The following RNF149 variants were observed in gnomAD, a reference collection of about 807,000 sequenced individuals.
RNF149 encodes E3 ubiquitin-protein ligase RNF149.
A neutral mutation model predicts 39.0 loss-of-function variants in RNF149; 21 were observed. The observed-to-expected ratio is 0.54, with a 90% CI of 0.38 to 0.77. The LOEUF is 0.77. Among genes scored for constraint, RNF149 ranks in the 30% least tolerant of loss-of-function variants. The pLI, the probability that RNF149 is intolerant of heterozygous loss-of-function variation, is 0.00. For synonymous variants in RNF149, 209 were observed against 213.6 expected (o/e 0.98, Z 0.19); for missense variants, 493 against 534.9 (o/e 0.92, Z 0.77).
rs771349076 is a variant in RNF149 at position 101,277,290 on chromosome 2, G to A, written c.1160-9C>T. ...GTCACTCCTGCCGGCTTCTGCAAGAGAGCAACATAAGCTACTCCATCAGAA... is the reference window on the plus strand; with the variant it reads ...GTCACTCCTGCCGGCTTCTGCAAGAAAGCAACATAAGCTACTCCATCAGAA... On this transcript the variant is annotated splice_polypyrimidine_tract_variant and intron_variant, in intron 6 of 6. Coordinates refer to ENST00000295317, the MANE Select transcript of RNF149 (RefSeq NM_173647.4). 3 of 1,612,086 alleles carry A rather than the reference G, an allele frequency of 1.9e-6. No individual in the cohort carries two copies. Among genetic ancestry groups the A allele is most frequent in the South Asian group, 1.1e-5 (1 of 90,698 alleles).
intron 1 of RNF149, among the ~76,000 whole-genome samples, chr2:101,304,601 C>A (rs573684367): frequency 1.3e-5 from 2 of 152,168 alleles, no homozygotes; most frequent in East Asian, 3.9e-4. Context: ...AATACTTAAC[C>A]CAAAGTGGCT....
Position 101,297,532 on chromosome 2 carries a change from A to ATT in RNF149, c.461-2353_461-2352dup, listed in dbSNP as rs996259233. ...CCACTACACCTGGCTAATTTTTTTC[A>ATT]TTTTTTTTTAGAGATGGGGTCTCAC... On this transcript the variant is annotated intron_variant, in intron 1 of 6. Coordinates refer to ENST00000295317, the MANE Select transcript of RNF149 (RefSeq NM_173647.4). Among the ~76,000 whole-genome samples the ATT allele has an allele frequency of 2.4e-4, 30 of 125,362 alleles. No homozygotes were observed. In the East Asian group the frequency reaches 5.0e-3, roughly 21 times the overall value. 82.2% of individuals were successfully genotyped at this position (125,362 alleles called of 152,430 possible).
At chr2:101,299,785 A>G (rs1683381697) in intron 1 of RNF149, among the ~76,000 whole-genome samples, 1 of 152,218 alleles carries the variant, frequency 6.6e-6, no homozygotes, top group South Asian at 2.1e-4. Flanking sequence ...GAAGCAGGCA[A>G]AGGCCACACT....
rs757198750 is a variant in RNF149, at chr2:101,308,500, G to A, written c.89C>T (p.Ala30Val). 20 of 1,610,266 alleles carry A rather than the reference G, an allele frequency of 1.2e-5. No homozygotes were observed. The East Asian group carries it at 4.2e-4, about 34-fold the overall frequency. ...LLALALCVPG[A>V]RGRALEWFSA... is the part of the protein sequence containing the mutation. ...GAACCACTCGAGAGCCCGGCCCCGG[G>A]CCCCGGGCACGCACAGGGCCAGGGC... The change falls in exon 1 of 7, where the codon GCC (alanine) becomes GTC (valine). Residue 30 changes from alanine to valine, a missense_variant. Coordinates refer to ENST00000295317, the MANE Select transcript of RNF149 (RefSeq NM_173647.4).
Position 101,276,364 on chromosome 2 carries a change from C to G in RNF149, c.*874G>C, listed in dbSNP as rs1682344249. The G allele has an allele frequency of 1.0e-6, 1 of 985,720 alleles. No individual in the cohort carries two copies. Among genetic ancestry groups the G allele is most frequent in the Non-Finnish European group, 1.2e-6 (1 of 829,908 alleles). The allele number at this position is 985,720 out of a possible 1,614,324, so 61.1% of individuals were successfully genotyped here. On this transcript the variant is annotated 3_prime_UTR_variant, in exon 7 of 7. Transcript: ENST00000295317. ...AAGCAAGGTCATGGTATTAAATCTG[C>G]TTAAACTCTAATCAAGAAAACTGGT...
downstream of RNF149, among the ~76,000 whole-genome samples, chr2:101,273,902 G>T (rs1042220761): frequency 6.6e-6 from 1 of 152,148 alleles, no homozygotes; most frequent in African/African-American, 2.4e-5. Flanking sequence ...TGTTTCTAGA[G>T]ATATGACCGT....
chr2:101,282,106 A>T lies in RNF149; in HGVS notation c.961-49T>A, dbSNP rs1331026421. 3.1e-6 allele frequency: 5 copies of T among 1,601,034 alleles called. No individual in the cohort carries two copies. The South Asian group carries it at 4.4e-5, about 14-fold the overall frequency. Reference sequence around the variant, plus strand: ...AAACATGATCAAAGCTTAAAACATGATCAAAGCTTATGTATCATCTGGCTC... The same window carrying T: ...AAACATGATCAAAGCTTAAAACATGTTCAAAGCTTATGTATCATCTGGCTC... On this transcript the variant is annotated intron_variant, in intron 5 of 6. Coordinates refer to ENST00000295317, the MANE Select transcript of RNF149 (RefSeq NM_173647.4).
intron 1 of RNF149, among the ~76,000 whole-genome samples, chr2:101,304,208 C>A (rs1468596646): frequency 6.6e-6 from 1 of 152,068 alleles, no homozygotes; most frequent in Non-Finnish European, 1.5e-5. Flanking sequence ...AACAGCCTGA[C>A]CAACATGGCA....
At chr2:101,294,111 T>C (rs770622985) in intron 2 of RNF149, 29 bp from the exon 3 acceptor site, 18 of 1,212,068 alleles carry the variant, frequency 1.5e-5, no homozygotes, top group Admixed American at 5.7e-5. Flanking sequence ...AATACAGTTA[T>C]TGAAAAATTT....
chr2:101,303,572 G>A (rs1228460045), intron 1 of RNF149, among the ~76,000 whole-genome samples: 1 of 152,150 alleles, frequency 6.6e-6, no homozygotes, highest in East Asian at 1.9e-4. Context: ...CTCAACATGT[G>A]AACTCTCTAG....
intron 5 of RNF149, among the ~76,000 whole-genome samples, chr2:101,283,423 C>A (rs1682667956): frequency 6.6e-6 from 1 of 152,172 alleles, no homozygotes; most frequent in African/African-American, 2.4e-5. Flanking sequence ...GTGACATGGA[C>A]ACACTGAAAT....
At chr2:101,284,567 T>C (rs918571463) in intron 5 of RNF149, among the ~76,000 whole-genome samples, 15 of 151,734 alleles carry the variant, frequency 9.9e-5, no homozygotes, top group Non-Finnish European at 2.1e-4. Flanking sequence ...GGCGACAGAG[T>C]GAGGCTGTCT....
chr2:101,288,230 CTTTT>C (rs554652378), intron 4 of RNF149, among the ~76,000 whole-genome samples: 12 of 60,550 alleles, frequency 2.0e-4, no homozygotes, highest in African/African-American at 6.4e-4. Flanking sequence ...GAAAGAAAAA[CTTTT>C]TTTTTTTTTT....
chr2:101,272,454 T>G (rs1254819834), downstream of RNF149, among the ~76,000 whole-genome samples: 1 of 152,216 alleles, frequency 6.6e-6, no homozygotes, highest in Admixed American at 6.5e-5. Context: ...TTAGTATTTT[T>G]CAAAATATGG....
In RNF149 at chr2:101,276,675, A is replaced by T. The variant is rs1682356795; in HGVS notation, c.*563T>A. On this transcript the variant is annotated 3_prime_UTR_variant, in exon 7 of 7. Coordinates refer to ENST00000295317, the MANE Select transcript of RNF149 (RefSeq NM_173647.4). ...ATCTAGTGCCTTTCTCATAATTCTA[A>T]ACAAAGAAAAAGTGCTCTCAGGTTT... 1.0e-6 allele frequency: 1 copy of T among 985,884 alleles called. No individual in the cohort carries two copies. Among genetic ancestry groups the T allele is most frequent in the Non-Finnish European group, 1.2e-6 (1 of 830,030 alleles). The allele number at this position is 985,884 out of a possible 1,614,324, so 61.1% of individuals were successfully genotyped here. A position where few individuals can be genotyped will look rare whatever the true frequency, so the allele number is the denominator to read the frequency against.
rs760123395 is a variant in RNF149 at position 101,289,101 on chromosome 2, A to T, written c.781-46T>A. The T allele has an allele frequency of 1.3e-5, 14 of 1,113,288 alleles. No homozygotes were observed. The South Asian group carries it at 1.8e-4, about 15-fold the overall frequency. The allele number at this position is 1,113,288 out of a possible 1,614,324, so 69.0% of individuals were successfully genotyped here. A position where few individuals can be genotyped will look rare whatever the true frequency, so the allele number is the denominator to read the frequency against. On this transcript the variant is annotated intron_variant, in intron 3 of 6. Coordinates refer to ENST00000295317, the MANE Select transcript of RNF149 (RefSeq NM_173647.4). Reference sequence around the variant, plus strand: ...TGTTACTACATTCTTGGTACACAGTATATCCCTTGGTAAACTCACTACATC... The same window carrying T: ...TGTTACTACATTCTTGGTACACAGTTTATCCCTTGGTAAACTCACTACATC...
chr2:101,275,067 T>A (rs548829210), downstream of RNF149, among the ~76,000 whole-genome samples: 320 of 151,650 alleles, frequency 2.1e-3, 2 homozygotes, highest in African/African-American at 7.2e-3. Context: ...AGTGCTGGGT[T>A]TAGAGGCGTG....
intron 5 of RNF149, among the ~76,000 whole-genome samples, chr2:101,282,819 C>A (rs1219090198): frequency 6.6e-6 from 1 of 152,010 alleles, no homozygotes; most frequent in Non-Finnish European, 1.5e-5. Flanking sequence ...CACTCACGGG[C>A]ACCCCTCCTC....
Position 101,306,234 on chromosome 2 carries a change from C to G in RNF149, c.460+1895G>C, listed in dbSNP as rs141553752. On this transcript the variant is annotated intron_variant, in intron 1 of 6. Transcript: ENST00000295317. ...TTTGGAAAACTGTAGGCTGATGAAC[C>G]TGCTATTTGAAAAAAAGTCTACATT... is the stretch of plus-strand genomic sequence containing the variant. 3.3e-3 allele frequency among the ~76,000 whole-genome samples: 501 copies of G among 152,214 alleles called. 6 individuals carry two copies. The highest frequency in any genetic ancestry group is 0.012 in the African/African-American group (479 of 41,534).
Sources: gnomAD v4.1 joint callset for allele counts (sites outside exome capture counted in the v4.1 genomes callset) on GRCh38, gnomAD v4.1.1 for gene constraint, MANE v1.5 for transcripts, NCBI Gene and HGNC (gene_info 2026-07-23, HGNC 2026-07-21) for gene names.